KLRG1: variants seen among roughly 807,000 people sequenced by gnomAD.
KLRG1 encodes killer cell lectin-like receptor subfamily G member 1.
A neutral mutation model predicts 21.8 loss-of-function variants in KLRG1; 16 were observed. The observed-to-expected ratio is 0.73, with a 90% CI of 0.50 to 1.11. The LOEUF (loss-of-function observed/expected upper bound fraction) is 1.11, where lower values mean the gene tolerates loss of function less well. Ranked by LOEUF, KLRG1 falls within the 50% of genes most tolerant of loss-of-function variation. The pLI, the probability that KLRG1 is intolerant of heterozygous loss-of-function variation, is 0.00. For synonymous variants in KLRG1, 69 were observed against 75.9 expected, an observed-to-expected ratio of 0.91 and a Z score of 0.47; for missense variants, 173 against 218.3, an observed-to-expected ratio of 0.79 and a Z score of 1.31.
At chr12:9,074,603 A>G in the KLRG1 span, 1 of 1,613,712 alleles carries the variant, frequency 6.2e-7, no homozygotes, top group South Asian at 1.1e-5. Context: ...CTGCTTCGTG[A>G]TCCACTTCAC....
At chr12:9,157,908 G>A in the KLRG1 span, 1 of 1,289,212 alleles carries the variant, frequency 7.8e-7, no homozygotes, top group Non-Finnish European at 1.1e-6. Flanking sequence ...TCTGTTGTTT[G>A]ATGGAAACGC....
chr12:9,093,586 T>A, the KLRG1 span: 2 of 1,404,142 alleles, frequency 1.4e-6, no homozygotes, highest in Non-Finnish European at 1.9e-6. Context: ...GACTCTATGG[T>A]GAGTGAGGAA....
At chr12:9,095,157 T>C in the KLRG1 span, 25 of 776,664 alleles carry the variant, frequency 3.2e-5, no homozygotes, top group Admixed American at 4.4e-4. Context: ...TTCTTTTTAT[T>C]GAATTTGACA....
At chr12:9,159,822 T>C in the KLRG1 span, 1 of 914,356 alleles carries the variant, frequency 1.1e-6, no homozygotes, top group Non-Finnish European at 1.7e-6. Context: ...CTTTTCTTTA[T>C]AAATTACCTA....
chr12:9,081,635 T>C, the KLRG1 span, among the ~76,000 whole-genome samples: 1 of 152,238 alleles, frequency 6.6e-6, no homozygotes, highest in Non-Finnish European at 1.5e-5. Context: ...ACTTTGACCA[T>C]GTCATTGTTC....
chr12:8,991,227 G>T (rs1946955519), intron 1 of KLRG1, among the ~76,000 whole-genome samples: 2 of 152,066 alleles, frequency 1.3e-5, no homozygotes, highest in Non-Finnish European at 2.9e-5. Context: ...AGATACCTTT[G>T]ATTTTAAAAT....
chr12:9,198,524 C>T, the KLRG1 span, among the ~76,000 whole-genome samples: 52 of 152,130 alleles, frequency 3.4e-4, no homozygotes, highest in African/African-American at 1.0e-3. Context: ...CACACGCACA[C>T]GTGCACTGAC....
the KLRG1 span, among the ~76,000 whole-genome samples, chr12:9,044,264 T>G: frequency 6.6e-6 from 1 of 152,158 alleles, no homozygotes; most frequent in South Asian, 2.1e-4. Context: ...ATAGGTAATT[T>G]GTAGAAAAAG....
chr12:9,105,001 C>A, the KLRG1 span, among the ~76,000 whole-genome samples: 1 of 152,140 alleles, frequency 6.6e-6, no homozygotes, highest in South Asian at 2.1e-4. Flanking sequence ...GGAAGGTAGG[C>A]AGATTTTATG....
At chr12:9,115,701 G>T in the KLRG1 span, 1 of 1,270,164 alleles carries the variant, frequency 7.9e-7, no homozygotes, top group Non-Finnish European at 1.1e-6. Flanking sequence ...ATGATATAAA[G>T]AAAAATCTGC....
the KLRG1 span, among the ~76,000 whole-genome samples, chr12:9,156,645 TGCATTATTTATCTGCA>T: frequency 1.3e-5 from 2 of 152,218 alleles, no homozygotes; most frequent in African/African-American, 4.8e-5. Flanking sequence ...GAAATAAAAC[TGCATTATTTATCTGCA>T]GCATTATGTC....
chr12:9,197,108 C>A, the KLRG1 span: 4 of 1,611,302 alleles, frequency 2.5e-6, no homozygotes, highest in African/African-American at 2.7e-5. Flanking sequence ...CTGGGACAGG[C>A]TTCCCATAAG....
chr12:9,212,101 G>A, the KLRG1 span, among the ~76,000 whole-genome samples: 1 of 152,198 alleles, frequency 6.6e-6, no homozygotes, highest in Non-Finnish European at 1.5e-5. Flanking sequence ...AGACAGTGCT[G>A]GTCCAGATTG....
chr12:9,072,939 C>G, the KLRG1 span: 1 of 1,332,690 alleles, frequency 7.5e-7, no homozygotes, highest in Admixed American at 2.1e-5. Flanking sequence ...AGATATTTTT[C>G]AAAGACCCAT....
rs148595927 is a variant in KLRG1, at chr12:9,002,026, G to A, written c.357+6738G>A. Among the ~76,000 whole-genome samples, 107 of 151,838 alleles carry A rather than the reference G, an allele frequency of 7.0e-4. No individual in the cohort carries two copies. The East Asian group carries it at 0.02, about 29-fold the overall frequency. ...TTTAAATATTATTTTTATACGTCTT[G>A]CATCATTCCACTATTGCTTAAATCT... On this transcript the variant is annotated intron_variant, in intron 3 of 4. Coordinates refer to ENST00000356986, the MANE Select transcript of KLRG1 (RefSeq NM_005810.4).
chr12:9,069,631 T>G, the KLRG1 span: 1 of 695,910 alleles, frequency 1.4e-6, no homozygotes, highest in African/African-American at 1.8e-5. Context: ...AACATTAGAA[T>G]TCTCAAATTT....
At chr12:9,178,743 G>A in the KLRG1 span, among the ~76,000 whole-genome samples, 3 of 152,224 alleles carry the variant, frequency 2.0e-5, no homozygotes, top group African/African-American at 2.4e-5. Context: ...ATGTGTTCCA[G>A]CTGATGGTCA....
At chr12:9,120,944 G>A in the KLRG1 span, among the ~76,000 whole-genome samples, 1 of 149,816 alleles carries the variant, frequency 6.7e-6, no homozygotes, top group South Asian at 2.1e-4. Flanking sequence ...ACAGTGGTTA[G>A]ATCATAGCTC....
intron 1 of KLRG1, among the ~76,000 whole-genome samples, chr12:8,957,044 G>C (rs944087567): frequency 6.6e-6 from 1 of 152,022 alleles, no homozygotes; most frequent in Non-Finnish European, 1.5e-5. Context: ...CTTGAGCAGG[G>C]CCCCCCCGGC....
Sources: gnomAD v4.1 joint callset for allele counts (sites outside exome capture counted in the v4.1 genomes callset) on GRCh38, gnomAD v4.1.1 for gene constraint, MANE v1.5 for transcripts, NCBI Gene and HGNC (gene_info 2026-07-23, HGNC 2026-07-21) for gene names.